The following XRCC4 variants were observed in gnomAD, a reference collection of about 807,000 sequenced individuals.
XRCC4 encodes X-ray repair cross complementing 4.
Under a neutral mutation model 39.1 loss-of-function variants are expected in XRCC4, and 28 were observed. The observed-to-expected ratio is 0.72, with a 90% CI of 0.53 to 0.98. The LOEUF (loss-of-function observed/expected upper bound fraction) is 0.98. Ranked by LOEUF, XRCC4 falls within the 50% of genes least tolerant of loss-of-function variation. The pLI, the probability that XRCC4 is intolerant of heterozygous loss-of-function variation, is 0.00. For synonymous variants in XRCC4, 123 were observed against 126.4 expected, an observed-to-expected ratio of 0.97 and a Z score of 0.18; for missense variants, 350 against 376.4, an observed-to-expected ratio of 0.93 and a Z score of 0.58.
In XRCC4 at chr5:83,153,122, G is replaced by A. The variant is rs1748793041; in HGVS notation, c.315+41919G>A. On this transcript the variant is annotated intron_variant, in intron 3 of 7. Transcript: ENST00000396027. ...TTTGTTCTATCAGTGGAATCACAGA[G>A]CATTCAATCTTTTAGGACTGGCTTT... Among the ~76,000 whole-genome samples, 4 of 152,080 alleles carry A rather than the reference G, an allele frequency of 2.6e-5. No individual in the cohort carries two copies. In the South Asian group the frequency reaches 8.3e-4, roughly 31 times the overall value.
At chr5:83,236,075 A>C (rs1201795531) in intron 6 of XRCC4, among the ~76,000 whole-genome samples, 3 of 152,130 alleles carry the variant, frequency 2.0e-5, no homozygotes, top group Non-Finnish European at 2.9e-5. Context: ...AAGGGTCCAC[A>C]AAAAAATGGA....
chr5:83,189,233 T>G (rs889090554), intron 3 of XRCC4, among the ~76,000 whole-genome samples: 2 of 152,228 alleles, frequency 1.3e-5, no homozygotes, highest in African/African-American at 4.8e-5. Context: ...CCCTTCAATG[T>G]AAAGCCAACT....
At chr5:83,172,484 A>G (rs1377068219) in intron 3 of XRCC4, among the ~76,000 whole-genome samples, 1 of 152,158 alleles carries the variant, frequency 6.6e-6, no homozygotes, top group African/African-American at 2.4e-5. Flanking sequence ...ACACATAAAA[A>G]TGTAAATGGG....
At chr5:83,243,229 A>C (rs1425033378) in intron 6 of XRCC4, among the ~76,000 whole-genome samples, 2 of 152,210 alleles carry the variant, frequency 1.3e-5, no homozygotes, top group Non-Finnish European at 2.9e-5. Context: ...GTGAGTGAAC[A>C]CTTCAGGAAA....
At chr5:83,091,237 A>G (rs1191638261) in intron 1 of XRCC4, among the ~76,000 whole-genome samples, 1 of 152,188 alleles carries the variant, frequency 6.6e-6, no homozygotes. Context: ...ACAGTTCTGC[A>G]TGGCTGTGGA....
chr5:83,284,070 A>C (rs1717354241), intron 7 of XRCC4, among the ~76,000 whole-genome samples: 2 of 151,054 alleles, frequency 1.3e-5, no homozygotes, highest in South Asian at 2.1e-4. Context: ...AAAAAAAAAA[A>C]AAAAAAAACG....
intron 7 of XRCC4, among the ~76,000 whole-genome samples, chr5:83,295,451 T>TAA (rs143380418): frequency 0.015 from 2,240 of 152,052 alleles, 48 homozygotes; most frequent in African/African-American, 0.047. Flanking sequence ...ACAGATACAA[T>TAA]AAATAATTGT....
chr5:83,312,096 G>A (rs1244887269), intron 7 of XRCC4, among the ~76,000 whole-genome samples: 4 of 152,082 alleles, frequency 2.6e-5, no homozygotes, highest in Non-Finnish European at 5.9e-5. Context: ...TGAAGAATAG[G>A]CACAGAAATC....
intron 7 of XRCC4, among the ~76,000 whole-genome samples, chr5:83,277,829 AAACTTTAGGAT>A (rs1458466132): frequency 1.3e-5 from 2 of 152,226 alleles, no homozygotes; most frequent in Non-Finnish European, 2.9e-5. Flanking sequence ...TCTAGTACAG[AAACTTTAGGAT>A]AACTATACAT....
chr5:83,127,810 A>G (rs923018557), intron 3 of XRCC4, among the ~76,000 whole-genome samples: 24 of 150,760 alleles, frequency 1.6e-4, no homozygotes, highest in Non-Finnish European at 1.5e-5. Flanking sequence ...GATTTTATGT[A>G]TCTTCCAAAG....
intron 1 of XRCC4, among the ~76,000 whole-genome samples, chr5:83,086,594 C>T (rs948208558): frequency 1.3e-5 from 2 of 152,022 alleles, no homozygotes; most frequent in Admixed American, 1.3e-4. Context: ...TGTCTCTGGG[C>T]TGGCAGAGGT....
At chr5:83,366,291 A>G in the XRCC4 span, among the ~76,000 whole-genome samples, 1 of 152,332 alleles carries the variant, frequency 6.6e-6, no homozygotes, top group African/African-American at 2.4e-5. Flanking sequence ...AATTCAGTTC[A>G]TTGTAGATCC....
At chr5:83,287,439 T>C (rs895576246) in intron 7 of XRCC4, among the ~76,000 whole-genome samples, 12 of 152,084 alleles carry the variant, frequency 7.9e-5, no homozygotes, top group Non-Finnish European at 1.6e-4. Flanking sequence ...AAGTTAATTT[T>C]ATTAATGTTG....
Position 83,353,131 on chromosome 5 carries a change from G to T in XRCC4, c.894G>T (p.Lys298Asn). Residue 298 changes from lysine to asparagine, a missense_variant and splice_region_variant, in exon 8 of 8, where the codon AAG becomes AAT. Coordinates refer to ENST00000396027, the MANE Select transcript of XRCC4 (RefSeq NM_003401.5). ...ATTTTGATTTTCTTTTCAGTTCTAGGCCTGATTCTTCACTACCTGAGACGT... is the reference window on the plus strand; with the variant it reads ...ATTTTGATTTTCTTTTCAGTTCTAGTCCTGATTCTTCACTACCTGAGACGT... ...PQENQLQEKE[K>N]PDSSLPETSK... The T allele has an allele frequency of 6.3e-7, 1 of 1,597,920 alleles. No individual in the cohort carries two copies. Among genetic ancestry groups the T allele is most frequent in the African/African-American group, 1.4e-5 (1 of 73,598 alleles).
At position 83,111,255 on chromosome 5, in the gene XRCC4, G is replaced by A. The variant is rs762175554; in HGVS notation, c.315+52G>A. 2.1e-6 allele frequency: 3 copies of A among 1,419,650 alleles called. No homozygotes were observed. In the South Asian group the frequency reaches 4.2e-5, roughly 20 times the overall value. The allele number at this position is 1,419,650 out of a possible 1,614,324, so 87.9% of individuals were successfully genotyped here. A position where few individuals can be genotyped will look rare whatever the true frequency, so the allele number is the denominator to read the frequency against. On this transcript the variant is annotated intron_variant, in intron 3 of 7. Transcript: ENST00000396027. ...ATAGTAAAATGTCAGAGCATTTATT[G>A]AGGAATTATATTTAAATTTAAGTGA...
chr5:83,217,358 CAAAAAA>C (rs59416363), intron 6 of XRCC4, among the ~76,000 whole-genome samples: 1 of 96,174 alleles, frequency 1.0e-5, no homozygotes, highest in African/African-American at 4.7e-5. Context: ...GACTCCGTCT[CAAAAAA>C]AAAAAAAAAA....
chr5:83,100,714 G>A (rs2112354509), intron 1 of XRCC4, among the ~76,000 whole-genome samples: 1 of 152,108 alleles, frequency 6.6e-6, no homozygotes, highest in South Asian at 2.1e-4. Flanking sequence ...ACCCTCCCAT[G>A]CACCCCACCC....
chr5:83,238,924 T>G (rs1752798465), intron 6 of XRCC4, among the ~76,000 whole-genome samples: 1 of 152,212 alleles, frequency 6.6e-6, no homozygotes, highest in Non-Finnish European at 1.5e-5. Context: ...AAATGAGTGA[T>G]AAGTTTCAGG....
At chr5:83,316,025 G>C (rs959688434) in intron 7 of XRCC4, among the ~76,000 whole-genome samples, 11 of 151,926 alleles carry the variant, frequency 7.2e-5, no homozygotes, top group Non-Finnish European at 1.5e-4. Context: ...ATGCCATTAA[G>C]AACATTCATG....
Sources: gnomAD v4.1 joint callset for allele counts (sites outside exome capture counted in the v4.1 genomes callset) on GRCh38, gnomAD v4.1.1 for gene constraint, MANE v1.5 for transcripts, NCBI Gene and HGNC (gene_info 2026-07-23, HGNC 2026-07-21) for gene names.